RFX1: variants seen among roughly 807,000 people sequenced by gnomAD.
The protein encoded by RFX1 is regulatory factor X1.
In RFX1, 42 loss-of-function variants were observed where a neutral mutation model predicts 119.6. That is an observed-to-expected ratio of 0.35 (90% CI 0.27 to 0.45). The LOEUF (loss-of-function observed/expected upper bound fraction) is 0.45, where lower values mean the gene tolerates loss of function less well. Ranked by LOEUF, RFX1 falls within the 20% of genes least tolerant of loss-of-function variation. The pLI is 1.00. For missense variants in RFX1, 1,118 were observed against 1,368.1 expected (o/e 0.82, Z 2.88); for synonymous variants, 628 against 618.5 (o/e 1.02, Z -0.23).
intron 7 of RFX1, among the ~76,000 whole-genome samples, chr19:13,978,947 G>A (rs1974343130): frequency 6.6e-6 from 1 of 151,784 alleles, no homozygotes; most frequent in Admixed American, 6.6e-5. Context: ...TAATGGGGCG[G>A]CGGCGGCTCG....
chr19:14,003,502 C>T (rs746600913), intron 1 of RFX1, among the ~76,000 whole-genome samples: 4 of 151,982 alleles, frequency 2.6e-5, no homozygotes, highest in Non-Finnish European at 4.4e-5. Flanking sequence ...TAAAAGCCAA[C>T]GGTGTATTTC....
intron 7 of RFX1, among the ~76,000 whole-genome samples, chr19:13,978,912 C>T (rs1390250703): frequency 1.3e-5 from 2 of 152,026 alleles, no homozygotes; most frequent in African/African-American, 2.4e-5. Flanking sequence ...CCACCAGCTC[C>T]ACCCACTGCT....
intron 7 of RFX1, among the ~76,000 whole-genome samples, chr19:13,978,412 T>C (rs1044366967): frequency 9.9e-5 from 15 of 151,780 alleles, no homozygotes; most frequent in Admixed American, 3.3e-4. Context: ...GCTGGAGCCA[T>C]GGAGCTACAG....
intron 1 of RFX1, among the ~76,000 whole-genome samples, chr19:13,994,222 A>T (rs539529542): frequency 6.6e-6 from 1 of 151,932 alleles, no homozygotes; most frequent in Non-Finnish European, 1.5e-5. Context: ...CTGCGGGGGA[A>T]CTTGGGCCTG....
intron 1 of RFX1, among the ~76,000 whole-genome samples, chr19:13,999,446 C>T (rs1599523506): frequency 1.3e-5 from 2 of 152,306 alleles, no homozygotes; most frequent in African/African-American, 4.8e-5. Flanking sequence ...AACTCTGCCA[C>T]TGTAATGTGA....
intron 8 of RFX1, among the ~76,000 whole-genome samples, chr19:13,975,361 CAAAA>C (rs59604119): frequency 8.3e-6 from 1 of 120,358 alleles, no homozygotes. Context: ...AACTCTATCT[CAAAA>C]AAAAAAAAAA....
At chr19:13,962,948 G>A (rs937391929) in intron 20 of RFX1, 46 bp downstream of exon 20, 28 of 1,547,440 alleles carry the variant, frequency 1.8e-5, no homozygotes, top group East Asian at 2.5e-5. Flanking sequence ...TCCGTTGTCC[G>A]CCACCCCCGG....
At chr19:13,997,744 G>T (rs1218309224) in intron 1 of RFX1, among the ~76,000 whole-genome samples, 3 of 152,216 alleles carry the variant, frequency 2.0e-5, no homozygotes, top group Admixed American at 2.0e-4. Flanking sequence ...TCCCTGCCAG[G>T]TGAGGTCATT....
intron 2 of RFX1, among the ~76,000 whole-genome samples, chr19:13,984,418 C>T (rs1974532292): frequency 6.6e-6 from 1 of 152,182 alleles, no homozygotes; most frequent in Non-Finnish European, 1.5e-5. Flanking sequence ...AAAGCGGGGC[C>T]TTCGCGGGGC....
rs1228565641 is a variant in RFX1 at position 13,963,126 on chromosome 19, C to T, written c.2720G>A (p.Gly907Asp). ...AKGETPIAVM[G>D]EFANLATSLN... is the part of the protein sequence containing the mutation. ...CCAGTGGCCCGCCTCGCGCACCTCG[C>T]CCATGACGGCGATGGGGGTCTCGCC... Residue 907 changes from glycine to aspartate, a missense_variant, in exon 19 of 21, where the codon GGC becomes GAC. By Grantham distance (94) the Gly-to-Asp change is moderately conservative (BLOSUM62 -1). Coordinates refer to ENST00000254325, the MANE Select transcript of RFX1 (RefSeq NM_002918.5). 6.2e-7 allele frequency: 1 copy of T among 1,611,124 alleles called. No homozygotes were observed. The highest frequency in any genetic ancestry group is 1.1e-5 in the South Asian group (1 of 91,056).
rs115773291 is a variant in RFX1, at chr19:13,983,608, G to A, written c.320-13C>T. The A allele has an allele frequency of 1.5e-3, 2,418 of 1,581,590 alleles. 35 individuals are homozygous for A. The African/African-American group carries it at 0.029, about 19-fold the overall frequency. Reference sequence around the variant, plus strand: ...CGCATGGCACCTTCTGTGGGGAGGGGCCACCAGGTCAGTTCTTCCTGCTTT... The same window carrying A: ...CGCATGGCACCTTCTGTGGGGAGGGACCACCAGGTCAGTTCTTCCTGCTTT... On this transcript the variant is annotated splice_polypyrimidine_tract_variant and intron_variant, in intron 2 of 20. Coordinates refer to ENST00000254325, the MANE Select transcript of RFX1 (RefSeq NM_002918.5).
At chr19:13,984,063 G>T (rs1034303999) in intron 2 of RFX1, among the ~76,000 whole-genome samples, 1 of 152,140 alleles carries the variant, frequency 6.6e-6, no homozygotes, top group Admixed American at 6.5e-5. Context: ...TCCCTGGAAG[G>T]TCTTGCTAGC....
chr19:13,967,201 A>C (rs892439475), intron 12 of RFX1, among the ~76,000 whole-genome samples: 4 of 152,152 alleles, frequency 2.6e-5, no homozygotes, highest in Non-Finnish European at 5.9e-5. Context: ...TCCAAATGGG[A>C]TGTCCCGGCC....
At position 13,968,461 on chromosome 19, in the gene RFX1, G is replaced by A; in HGVS notation, c.1732+104C>T. The A allele has an allele frequency of 1.1e-6, 1 of 899,114 alleles. No individual in the cohort carries two copies. The highest frequency in any genetic ancestry group is 1.4e-5 in the South Asian group (1 of 70,018). 55.7% of individuals were successfully genotyped at this position (899,114 alleles called of 1,614,324 possible). A position where few individuals can be genotyped will look rare whatever the true frequency, so the allele number is the denominator to read the frequency against. On this transcript the variant is annotated intron_variant, in intron 12 of 20. Transcript: ENST00000254325. This position sits in a 1 kb window ranked among gnomAD's most constrained non-coding sequence, Gnocchi z 5.5. ...CTGGTTCTCGGGCATCTCTCACCAA[G>A]CCCTCCCCAGCTCAGAGGCTGCCTG...
At chr19:13,977,857 C>T (rs1974296702) in intron 8 of RFX1, 135 bp downstream of exon 8, 2 of 655,942 alleles carry the variant, frequency 3.0e-6, no homozygotes, top group African/African-American at 1.8e-5. Flanking sequence ...GAGTGCCCAC[C>T]TGTGTGTCTG....
In RFX1 at chr19:13,965,488, G is replaced by C; in HGVS notation, c.2172C>G (p.His724Gln). Residue 724 changes from histidine to glutamine, a missense_variant, in exon 16 of 21, where the codon CAC (histidine) becomes CAG (glutamine). His to Gln is a conservative substitution (Grantham distance 24). Coordinates refer to ENST00000254325, the MANE Select transcript of RFX1 (RefSeq NM_002918.5). This position sits in a 1 kb window ranked among gnomAD's most constrained non-coding sequence, Gnocchi z 4.7. ...TCTCCTCGGGGATGTTGACCATGGC[G>C]TGGGTGAGCCAGCTCTCCAGGCTCT... ...FAKSLESWLT[H>Q]AMVNIPEEML... is the part of the protein sequence containing the mutation. 6.2e-7 allele frequency: 1 copy of C among 1,613,974 alleles called. No individual in the cohort carries two copies. The highest frequency in any genetic ancestry group is 8.5e-7 in the Non-Finnish European group (1 of 1,179,980).
rs778879311 is a variant in RFX1, at chr19:13,993,829, C to A, written c.15G>T (p.Ala5=). ...GCGGGGCTGCCTGTAGCTCAGTATACGCCTGTGTTGCCATGCCAACGGTGG... is the reference window on the plus strand; with the variant it reads ...GCGGGGCTGCCTGTAGCTCAGTATAAGCCTGTGTTGCCATGCCAACGGTGG... MATQ[A]YTELQAAPPP... Residue 5 remains alanine, a synonymous_variant, in exon 2 of 21, where the codon GCG becomes GCT. Coordinates refer to ENST00000254325, the MANE Select transcript of RFX1 (RefSeq NM_002918.5). 1.1e-5 allele frequency: 17 copies of A among 1,572,972 alleles called. No homozygotes were observed. The highest frequency in any genetic ancestry group is 1.5e-5 in the Non-Finnish European group (17 of 1,166,394).
rs374023264 is a variant in RFX1, at chr19:13,979,324, T to C, written c.834+123A>G. The stretch of plus-strand genomic sequence containing the variant: ...CCAGGGGGCCGGGAAAGGGGAAGGA[T>C]GTAGGGCAGTGTCTGCAGCTCACAG... On this transcript the variant is annotated intron_variant, in intron 7 of 20. Coordinates refer to ENST00000254325, the MANE Select transcript of RFX1 (RefSeq NM_002918.5). 4.5e-4 allele frequency: 269 copies of C among 599,116 alleles called. 1 individual carries two copies. The highest frequency in any genetic ancestry group is 4.4e-3 in the African/African-American group (234 of 53,334). 37.1% of individuals were successfully genotyped at this position (599,116 alleles called of 1,614,324 possible).
In RFX1 at chr19:13,978,082, T is replaced by C. The variant is rs761661391; in HGVS notation, c.839A>G (p.Gln280Arg). The C allele has an allele frequency of 3.2e-5, 51 of 1,612,700 alleles. 1 individual carries two copies. The Admixed American group carries it at 3.3e-4, about 11-fold the overall frequency. ...LQPVHVAQEVQQLQQVPVPHV... is the reference protein window; with the variant it reads ...LQPVHVAQEVRQLQQVPVPHV... Reference sequence around the variant, plus strand: ...TGGGACGGGCACCTGCTGGAGCTGCTGCACCTGGGGCAGAGGAAGGGCACG... The same window carrying C: ...TGGGACGGGCACCTGCTGGAGCTGCCGCACCTGGGGCAGAGGAAGGGCACG... The change falls in exon 8 of 21, where the codon CAG (glutamine) becomes CGG (arginine). Residue 280 changes from glutamine (Q) to arginine (R), a missense_variant. Transcript: ENST00000254325.
Sources: gnomAD v4.1 joint callset for allele counts (sites outside exome capture counted in the v4.1 genomes callset) on GRCh38, gnomAD v4.1.1 for gene constraint, Gnocchi (gnomAD v3.1) non-coding constraint, MANE v1.5 for transcripts, NCBI Gene and HGNC (gene_info 2026-07-23, HGNC 2026-07-21) for gene names.